Variants in PRKG1 observed in about 807,000 individuals in gnomAD.
The protein encoded by PRKG1 is cGMP-dependent protein kinase 1.
A neutral mutation model predicts 88.1 loss-of-function variants in PRKG1; 35 were observed. The ratio of observed to expected loss-of-function variants is 0.40; its 90% CI spans 0.30 to 0.53. The LOEUF (loss-of-function observed/expected upper bound fraction) is 0.53, where lower values mean the gene tolerates loss of function less well. Among genes scored for constraint, PRKG1 ranks in the 20% least tolerant of loss-of-function variants. The probability of loss-of-function intolerance (pLI) is 0.59; values close to 1 mark genes in which losing one functional copy is unlikely to be tolerated. For synonymous variants in PRKG1, 303 were observed against 292.5 expected (o/e 1.04, Z -0.37); for missense variants, 540 against 839.8 (o/e 0.64, Z 4.41).
At chr10:51,616,382 T>G (rs571468803) in intron 3 of PRKG1, among the ~76,000 whole-genome samples, 39 of 152,268 alleles carry the variant, frequency 2.6e-4, no homozygotes, top group African/African-American at 9.4e-4. Flanking sequence ...GTGTGGGTGA[T>G]GGCAGTGTCA....
intron 3 of PRKG1, among the ~76,000 whole-genome samples, chr10:51,624,041 T>G (rs188140352): frequency 6.6e-6 from 1 of 152,278 alleles, no homozygotes; most frequent in East Asian, 1.9e-4. Context: ...CATTAACCAC[T>G]CATATTTTTT....
chr10:51,044,642 T>TC (rs1484116472), intron 1 of PRKG1, among the ~76,000 whole-genome samples: 1 of 151,966 alleles, frequency 6.6e-6, no homozygotes, highest in African/African-American at 2.4e-5. Context: ...GCTTATAGAC[T>TC]CCCCTCCTTT....
chr10:51,463,652 A>G (rs531885892), intron 2 of PRKG1, among the ~76,000 whole-genome samples: 8 of 152,234 alleles, frequency 5.3e-5, no homozygotes, highest in Non-Finnish European at 1.2e-4. Context: ...TCTTAGGTGA[A>G]CCACACATTT....
At chr10:51,336,681 G>T (rs1841884094) in intron 2 of PRKG1, among the ~76,000 whole-genome samples, 1 of 152,146 alleles carries the variant, frequency 6.6e-6, no homozygotes, top group Non-Finnish European at 1.5e-5. Flanking sequence ...GTAAAGCAAA[G>T]AAACTTATAG....
chr10:51,668,571 C>T (rs1840479207), intron 3 of PRKG1, among the ~76,000 whole-genome samples: 1 of 152,038 alleles, frequency 6.6e-6, no homozygotes, highest in Non-Finnish European at 1.5e-5. Context: ...AATATGTACC[C>T]TATGGTGATG....
chr10:51,499,602 T>C (rs1034562886), intron 3 of PRKG1, among the ~76,000 whole-genome samples: 2 of 152,118 alleles, frequency 1.3e-5, no homozygotes, highest in African/African-American at 2.4e-5. Flanking sequence ...AAAGTAAGCA[T>C]ATGAGTACAA....
At chr10:52,031,986 G>A (rs1371269987) in intron 5 of PRKG1, among the ~76,000 whole-genome samples, 2 of 151,900 alleles carry the variant, frequency 1.3e-5, no homozygotes, top group African/African-American at 2.4e-5. Context: ...AGTGTAGAGG[G>A]AGAGGGGGTA....
intron 3 of PRKG1, among the ~76,000 whole-genome samples, chr10:51,492,911 T>A (rs1840744759): frequency 6.6e-6 from 1 of 152,158 alleles, no homozygotes; most frequent in Admixed American, 6.5e-5. Context: ...GATTATTAGA[T>A]CTTTTAATTA....
intron 3 of PRKG1, among the ~76,000 whole-genome samples, chr10:51,655,146 G>A (rs1203592711): frequency 6.6e-6 from 1 of 152,090 alleles, no homozygotes; most frequent in South Asian, 2.1e-4. Flanking sequence ...AAATCAAGGA[G>A]GGCTTAATTG....
chr10:51,952,845 G>C (rs1032279116), intron 5 of PRKG1, among the ~76,000 whole-genome samples: 6 of 152,130 alleles, frequency 3.9e-5, no homozygotes, highest in African/African-American at 1.4e-4. Flanking sequence ...CATTTCTAAA[G>C]GTCAGGATAT....
chr10:51,577,270 C>A (rs1474082315), intron 3 of PRKG1, among the ~76,000 whole-genome samples: 1 of 151,800 alleles, frequency 6.6e-6, no homozygotes, highest in Non-Finnish European at 1.5e-5. Context: ...AATCTGCCAA[C>A]CTAAAAAAAT....
intron 2 of PRKG1, among the ~76,000 whole-genome samples, chr10:51,449,000 A>C (rs1839354169): frequency 1.3e-5 from 2 of 152,072 alleles, no homozygotes; most frequent in South Asian, 4.1e-4. Flanking sequence ...AAAGACCAAA[A>C]TGACATTGCA....
At chr10:51,372,390 C>G (rs535781549) in intron 2 of PRKG1, among the ~76,000 whole-genome samples, 1 of 152,242 alleles carries the variant, frequency 6.6e-6, no homozygotes, top group Admixed American at 6.5e-5. Context: ...CTTGCTAAAT[C>G]ACTTTACTAA....
chr10:52,160,560 G>T (rs1838251142), intron 8 of PRKG1, among the ~76,000 whole-genome samples: 1 of 151,728 alleles, frequency 6.6e-6, no homozygotes. Context: ...ACTACCCAAG[G>T]GTCTGAAGTA....
chr10:52,032,155 T>A (rs770582868), intron 5 of PRKG1, among the ~76,000 whole-genome samples: 1 of 152,330 alleles, frequency 6.6e-6, no homozygotes, highest in South Asian at 2.1e-4. Flanking sequence ...GTAATGGAGA[T>A]TAAATAAAAT....
chr10:51,511,001 C>T (rs1380464033), intron 3 of PRKG1, among the ~76,000 whole-genome samples: 2 of 151,898 alleles, frequency 1.3e-5, no homozygotes, highest in Admixed American at 6.6e-5. Flanking sequence ...ATCCGCCCAC[C>T]TCAGCCTCCC....
intron 4 of PRKG1, among the ~76,000 whole-genome samples, chr10:51,845,868 G>T (rs554247857): frequency 2.0e-5 from 3 of 151,942 alleles, no homozygotes; most frequent in Non-Finnish European, 1.5e-5. Flanking sequence ...CATGTTTGAG[G>T]TCCCCACATT....
chr10:51,489,327 G>A (rs1307509914), intron 3 of PRKG1, among the ~76,000 whole-genome samples: 1 of 152,130 alleles, frequency 6.6e-6, no homozygotes, highest in African/African-American at 2.4e-5. Flanking sequence ...GAAACATACA[G>A]GCAAGAAAGA....
intron 6 of PRKG1, among the ~76,000 whole-genome samples, chr10:52,057,571 G>C (rs1343247331): frequency 6.6e-6 from 1 of 152,136 alleles, no homozygotes; most frequent in Non-Finnish European, 1.5e-5. Context: ...CAGGGAACAG[G>C]ATGGGTAAGC....
Sources: gnomAD v4.1 joint callset for allele counts (sites outside exome capture counted in the v4.1 genomes callset) on GRCh38, gnomAD v4.1.1 for gene constraint, MANE v1.5 for transcripts, NCBI Gene and HGNC (gene_info 2026-07-23, HGNC 2026-07-21) for gene names.